ZNF354C: variants seen among roughly 807,000 people sequenced by gnomAD.
The protein encoded by ZNF354C is KRAB-zinc finger protein synten.
Under a neutral mutation model 12.4 loss-of-function variants are expected in ZNF354C, and 7 were observed. The ratio of observed to expected loss-of-function variants is 0.56; its 90% CI spans 0.32 to 1.06. The LOEUF is 1.06. ZNF354C is among the 50% of genes least tolerant of loss of function. ZNF354C has a pLI of 0.04. For missense variants in ZNF354C, 609 were observed against 658.0 expected, an observed-to-expected ratio of 0.93 and a Z score of 0.81; for synonymous variants, 202 against 224.5, an observed-to-expected ratio of 0.90 and a Z score of 0.90.
rs753194853 is a variant in ZNF354C, at chr5:179,079,163, A to G, written c.731A>G (p.Tyr244Cys). Reference protein sequence around the residue: ...HQRIHTGEKPYKCNECEKTFS... With the variant: ...HQRIHTGEKPCKCNECEKTFS... ...AGAATTCATACAGGTGAGAAACCCTACAAATGTAATGAGTGTGAAAAAACC... is the reference window on the plus strand; with the variant it reads ...AGAATTCATACAGGTGAGAAACCCTGCAAATGTAATGAGTGTGAAAAAACC... Residue 244 changes from tyrosine (Y) to cysteine (C), a missense_variant, in exon 5 of 5, where the codon TAC becomes TGC. Transcript: ENST00000315475. The surrounding 1 kb of genome is among the most constrained non-coding windows in gnomAD (Gnocchi z 4.2). 1.7e-5 allele frequency: 28 copies of G among 1,613,804 alleles called. No individual in the cohort carries two copies. Among genetic ancestry groups the G allele is most frequent in the Non-Finnish European group, 2.1e-5 (25 of 1,180,026 alleles).
In ZNF354C at chr5:179,080,216, C is replaced by A. The variant is rs899171576; in HGVS notation, c.*119C>A. The A allele has an allele frequency of 5.8e-6, 4 of 688,892 alleles. No homozygotes were observed. The highest frequency in any genetic ancestry group is 9.2e-6 in the Non-Finnish European group (4 of 434,048). The allele number at this position is 688,892 out of a possible 1,614,324, so 42.7% of individuals were successfully genotyped here. A position where few individuals can be genotyped will look rare whatever the true frequency, so the allele number is the denominator to read the frequency against. ...CCTGAAGGAAATATGTTAGTTGCCA[C>A]TAAGTCATGATAAAATTGATCAGTG... On this transcript the variant is annotated 3_prime_UTR_variant, in exon 5 of 5. Transcript: ENST00000315475.
chr5:179,079,051 T>C lies in ZNF354C; in HGVS notation c.619T>C (p.Phe207Leu). 4 of 1,613,474 alleles carry C rather than the reference T, an allele frequency of 2.5e-6. No homozygotes were observed. The highest frequency in any genetic ancestry group is 3.4e-6 in the Non-Finnish European group (4 of 1,179,934). The change falls in exon 5 of 5, where the codon TTC (phenylalanine) becomes CTC (leucine). Residue 207 changes from phenylalanine to leucine, a missense_variant. Physicochemically the swap from Phe to Leu is conservative, Grantham distance 22. Transcript: ENST00000315475. The surrounding 1 kb of genome is among the most constrained non-coding windows in gnomAD (Gnocchi z 4.2). ...ACAGAATTTTGATCTCATGAAATGCTTCCAGATTTACCCAGGAGGAAAACC... is the reference window on the plus strand; with the variant it reads ...ACAGAATTTTGATCTCATGAAATGCCTCCAGATTTACCCAGGAGGAAAACC... ...FKQNFDLMKC[F>L]QIYPGGKPHI... is the part of the protein sequence containing the mutation.
At chr5:179,065,477 T>C (rs1761947589) in intron 2 of ZNF354C, among the ~76,000 whole-genome samples, 1 of 152,110 alleles carries the variant, frequency 6.6e-6, no homozygotes. Flanking sequence ...AGTGCAATGA[T>C]GCGATCTTGG....
At position 179,060,750 on chromosome 5, in the gene ZNF354C, C is replaced by G. The variant is rs575444298; in HGVS notation, c.-55+84C>G. On this transcript the variant is annotated intron_variant, in intron 1 of 4. Coordinates refer to ENST00000315475, the MANE Select transcript of ZNF354C (RefSeq NM_014594.3). The surrounding 1 kb of genome is among the most constrained non-coding windows in gnomAD (Gnocchi z 4.2). ...TCTGCGATTTTCTTCTGTGCATTTT[C>G]TTCTGAGTAACGGAAATAATAAAAG... 4 of 152,366 alleles carry G rather than the reference C, an allele frequency of 2.6e-5. No individual in the cohort carries two copies. The highest frequency in any genetic ancestry group is 6.5e-5 in the Admixed American group (1 of 15,302). 9.4% of individuals were successfully genotyped at this position (152,366 alleles called of 1,614,324 possible).
At chr5:179,065,440 G>A (rs1761946799) in intron 2 of ZNF354C, among the ~76,000 whole-genome samples, 1 of 151,282 alleles carries the variant, frequency 6.6e-6, no homozygotes, top group African/African-American at 2.4e-5. Context: ...TTTTTGAGGT[G>A]GAGTCTCACT....
intron 4 of ZNF354C, 30 bp downstream of exon 4, chr5:179,077,196 G>A: frequency 6.3e-7 from 1 of 1,581,360 alleles, no homozygotes; most frequent in East Asian, 2.2e-5. Flanking sequence ...ATGGGCACAA[G>A]GGGTTCTTTA....
Position 179,069,790 on chromosome 5 carries a change from C to T in ZNF354C, c.28-6655C>T, listed in dbSNP as rs944748440. Among the ~76,000 whole-genome samples the T allele has an allele frequency of 1.1e-4, 16 of 151,240 alleles. No homozygotes were observed. The East Asian group carries it at 1.6e-3, about 15-fold the overall frequency. On this transcript the variant is annotated intron_variant, in intron 2 of 4. Transcript: ENST00000315475. Reference sequence around the variant, plus strand: ...CTGAGGCAGGAGAATGGTGTGAACCCGGGAGGCGGAGCTTGCAGTGAGCCG... The same window carrying T: ...CTGAGGCAGGAGAATGGTGTGAACCTGGGAGGCGGAGCTTGCAGTGAGCCG...
Position 179,060,729 on chromosome 5 carries a change from CG to C in ZNF354C, c.-55+64del, listed in dbSNP as rs1336185071. 1.3e-5 allele frequency: 2 copies of C among 152,292 alleles called. No homozygotes were observed. The highest frequency in any genetic ancestry group is 4.8e-5 in the African/African-American group (2 of 41,454). The allele number at this position is 152,292 out of a possible 1,614,324, so 9.4% of individuals were successfully genotyped here. On this transcript the variant is annotated intron_variant, in intron 1 of 4. Transcript: ENST00000315475. The surrounding 1 kb of genome is among the most constrained non-coding windows in gnomAD (Gnocchi z 4.2). Reference sequence around the variant, plus strand: ...CAGCCTTTTGTCGTTGTTCATTCTGCGATTTTCTTCTGTGCATTTTCTTCTG... The same window carrying C: ...CAGCCTTTTGTCGTTGTTCATTCTGCATTTTCTTCTGTGCATTTTCTTCTG...
At position 179,082,604 on chromosome 5, in the gene ZNF354C, T is replaced by A; in HGVS notation, c.*2507T>A. ...TTCGGGAGGGATGAAGAGGGAGATA[T>A]TCAGAAACCTTCACCAGATTCCTCC... On this transcript the variant is annotated 3_prime_UTR_variant, in exon 5 of 5. Transcript: ENST00000315475. 1.7e-6 allele frequency: 2 copies of A among 1,182,520 alleles called. No homozygotes were observed. Among genetic ancestry groups the A allele is most frequent in the Non-Finnish European group, 2.5e-6 (2 of 789,992 alleles). The allele number at this position is 1,182,520 out of a possible 1,614,324, so 73.3% of individuals were successfully genotyped here. A position where few individuals can be genotyped will look rare whatever the true frequency, so the allele number is the denominator to read the frequency against.
chr5:179,077,671 C>T (rs541614999), intron 4 of ZNF354C, among the ~76,000 whole-genome samples: 3 of 152,236 alleles, frequency 2.0e-5, no homozygotes, highest in African/African-American at 7.2e-5. Context: ...TCACCAGGGA[C>T]AGATTGTTGC....
chr5:179,061,888 C>T lies in ZNF354C; in HGVS notation c.-54-127C>T, dbSNP rs528783750. 1.2e-5 allele frequency: 8 copies of T among 694,474 alleles called. No individual in the cohort carries two copies. The African/African-American group carries it at 1.4e-4, about 12-fold the overall frequency. The allele number at this position is 694,474 out of a possible 1,614,324, so 43.0% of individuals were successfully genotyped here. On this transcript the variant is annotated intron_variant, in intron 1 of 4. Coordinates refer to ENST00000315475, the MANE Select transcript of ZNF354C (RefSeq NM_014594.3). ...CCCTAGTAAACTAGTAAACACTCTT[C>T]TTGCTTTACATCATTACGGGGGGTG...
rs560164037 is a variant in ZNF354C at position 179,064,405 on chromosome 5, C to T, written c.27+2310C>T. On this transcript the variant is annotated intron_variant, in intron 2 of 4. Coordinates refer to ENST00000315475, the MANE Select transcript of ZNF354C (RefSeq NM_014594.3). The stretch of plus-strand genomic sequence containing the variant: ...GATTATAGGTGTGAGCAACTGTGCC[C>T]GGCCAATATGTAACCCCCCTTTTTT... Among the ~76,000 whole-genome samples, 12 of 149,748 alleles carry T rather than the reference C, an allele frequency of 8.0e-5. No homozygotes were observed. In the East Asian group the frequency reaches 1.6e-3, roughly 20 times the overall value.
At position 179,082,637 on chromosome 5, in the gene ZNF354C, AT is replaced by A; in HGVS notation, c.*2541del. 1.3e-6 allele frequency: 2 copies of A among 1,483,558 alleles called. No individual in the cohort carries two copies. The highest frequency in any genetic ancestry group is 1.9e-6 in the Non-Finnish European group (2 of 1,065,036). 91.9% of individuals were successfully genotyped at this position (1,483,558 alleles called of 1,614,324 possible). ...CCTTCACCAGATTCCTCCCAACTTG[AT>A]CATAGTGGATTAATGACGTGCTTTG... On this transcript the variant is annotated 3_prime_UTR_variant, in exon 5 of 5. Coordinates refer to ENST00000315475, the MANE Select transcript of ZNF354C (RefSeq NM_014594.3).
At chr5:179,066,441 A>G (rs767810033) in intron 2 of ZNF354C, among the ~76,000 whole-genome samples, 5 of 152,260 alleles carry the variant, frequency 3.3e-5, no homozygotes, top group South Asian at 2.1e-4. Context: ...TTCCTTCTCT[A>G]TCTTCCCTCC....
At position 179,060,889 on chromosome 5, in the gene ZNF354C, C is replaced by T. The variant is rs1411691568; in HGVS notation, c.-55+223C>T. On this transcript the variant is annotated intron_variant, in intron 1 of 4. Transcript: ENST00000315475. This position sits in a 1 kb window ranked among gnomAD's most constrained non-coding sequence, Gnocchi z 4.2. ...ATAGGGTGGCGGTACGCTGTTCCCG[C>T]TCTGTCAGGAGGAGACCGAGGCAGA... 6.6e-6 allele frequency among the ~76,000 whole-genome samples: 1 copy of T among 152,214 alleles called. No homozygotes were observed. Among genetic ancestry groups the T allele is most frequent in the Non-Finnish European group, 1.5e-5 (1 of 68,034 alleles).
chr5:179,082,758 AT>A lies in ZNF354C; in HGVS notation c.*2663del. ...TGGTCCCCTTGGCTGACGAAGAGCC[AT>A]TAGGCGAGGATCACTGGCATCATCC... On this transcript the variant is annotated 3_prime_UTR_variant, in exon 5 of 5. Coordinates refer to ENST00000315475, the MANE Select transcript of ZNF354C (RefSeq NM_014594.3). 7.1e-7 allele frequency: 1 copy of A among 1,407,912 alleles called. No homozygotes were observed. Among genetic ancestry groups the A allele is most frequent in the Non-Finnish European group, 1.0e-6 (1 of 993,974 alleles). 87.2% of individuals were successfully genotyped at this position (1,407,912 alleles called of 1,614,324 possible).
chr5:179,078,004 AC>A (rs1484225488), intron 4 of ZNF354C, among the ~76,000 whole-genome samples: 24 of 151,912 alleles, frequency 1.6e-4, no homozygotes, highest in Middle Eastern at 3.4e-3. Flanking sequence ...ACGGGGTTTC[AC>A]CATGTTCTCC....
At chr5:179,074,182 C>T (rs1355639280) in intron 2 of ZNF354C, among the ~76,000 whole-genome samples, 1 of 151,946 alleles carries the variant, frequency 6.6e-6, no homozygotes, top group Non-Finnish European at 1.5e-5. Context: ...GGGGTTTCAC[C>T]ATGTTGGCCA....
rs1393860710 is a variant in ZNF354C, at chr5:179,082,612, C to A, written c.*2515C>A. The stretch of plus-strand genomic sequence containing the variant: ...GGATGAAGAGGGAGATATTCAGAAA[C>A]CTTCACCAGATTCCTCCCAACTTGA... On this transcript the variant is annotated 3_prime_UTR_variant, in exon 5 of 5. Transcript: ENST00000315475. 3.2e-6 allele frequency: 4 copies of A among 1,268,548 alleles called. No individual in the cohort carries two copies. The Admixed American group carries it at 5.0e-5, about 16-fold the overall frequency. The allele number at this position is 1,268,548 out of a possible 1,614,324, so 78.6% of individuals were successfully genotyped here. A position where few individuals can be genotyped will look rare whatever the true frequency, so the allele number is the denominator to read the frequency against.
Sources: gnomAD v4.1 joint callset for allele counts (sites outside exome capture counted in the v4.1 genomes callset) on GRCh38, gnomAD v4.1.1 for gene constraint, Gnocchi (gnomAD v3.1) non-coding constraint, MANE v1.5 for transcripts, NCBI Gene and HGNC (gene_info 2026-07-23, HGNC 2026-07-21) for gene names.